Variants in PABPC4L observed in about 807,000 individuals in gnomAD.
The protein encoded by PABPC4L is poly(A) binding protein cytoplasmic 4 like, also known as polyadenylate-binding protein 4-like.
For missense variants in PABPC4L, 452 were observed against 451.4 expected (o/e 1.00, Z -0.01); for synonymous variants, 169 against 164.1 (o/e 1.03, Z -0.23).
the PABPC4L span, among the ~76,000 whole-genome samples, chr4:134,134,184 T>G: frequency 6.6e-6 from 1 of 152,074 alleles, no homozygotes; most frequent in Non-Finnish European, 1.5e-5. Flanking sequence ...CATCTGATTT[T>G]AAGTTCTAAC....
the PABPC4L span, among the ~76,000 whole-genome samples, chr4:134,135,551 C>T: frequency 6.6e-6 from 1 of 152,028 alleles, no homozygotes; most frequent in Non-Finnish European, 1.5e-5. Context: ...AAATAAAACA[C>T]AGCCGGTATG....
the PABPC4L span, among the ~76,000 whole-genome samples, chr4:134,093,148 G>A: frequency 6.6e-6 from 1 of 150,856 alleles, no homozygotes; most frequent in South Asian, 2.1e-4. Context: ...TAAAAAGCAG[G>A]ATTTTTATGT....
chr4:134,009,372 A>G, the PABPC4L span, among the ~76,000 whole-genome samples: 1 of 151,944 alleles, frequency 6.6e-6, no homozygotes, highest in Non-Finnish European at 1.5e-5. Flanking sequence ...ACTATAATGG[A>G]CTATACTTAA....
chr4:133,980,423 G>C, the PABPC4L span, among the ~76,000 whole-genome samples: 1 of 152,126 alleles, frequency 6.6e-6, no homozygotes, highest in African/African-American at 2.4e-5. Context: ...TTATAAGCTG[G>C]AGAAATATCA....
the PABPC4L span, among the ~76,000 whole-genome samples, chr4:134,062,055 A>G: frequency 6.6e-6 from 1 of 151,918 alleles, no homozygotes; most frequent in Non-Finnish European, 1.5e-5. Context: ...ATGGAATATC[A>G]TATGATTATG....
the PABPC4L span, among the ~76,000 whole-genome samples, chr4:133,981,485 T>C: frequency 6.6e-6 from 1 of 152,170 alleles, no homozygotes; most frequent in Non-Finnish European, 1.5e-5. Context: ...TTACTAATGT[T>C]ATTCACCATC....
At chr4:134,145,502 G>A in the PABPC4L span, among the ~76,000 whole-genome samples, 2 of 151,850 alleles carry the variant, frequency 1.3e-5, no homozygotes, top group Non-Finnish European at 1.5e-5. Context: ...TCCATATACA[G>A]TCTATTTTCT....
the PABPC4L span, among the ~76,000 whole-genome samples, chr4:134,135,682 A>C: frequency 1.3e-5 from 2 of 151,930 alleles, no homozygotes; most frequent in African/African-American, 2.4e-5. Flanking sequence ...AAATACAAAA[A>C]ATTAGCTGGG....
the PABPC4L span, among the ~76,000 whole-genome samples, chr4:134,103,808 T>C: frequency 6.6e-6 from 1 of 151,740 alleles, no homozygotes; most frequent in African/African-American, 2.4e-5. Context: ...TGAAAAGCAG[T>C]GTGTGAATGT....
chr4:133,992,592 T>C, the PABPC4L span, among the ~76,000 whole-genome samples: 3 of 152,060 alleles, frequency 2.0e-5, no homozygotes, highest in African/African-American at 4.8e-5. Context: ...CAAGCAGTTA[T>C]ATTATTAGAG....
At chr4:134,119,495 A>AT in the PABPC4L span, among the ~76,000 whole-genome samples, 2 of 151,708 alleles carry the variant, frequency 1.3e-5, no homozygotes, top group Admixed American at 6.6e-5. Context: ...ATAATGTTTT[A>AT]TTTTTTATAA....
the PABPC4L span, among the ~76,000 whole-genome samples, chr4:134,007,919 A>G: frequency 4.0e-5 from 6 of 151,794 alleles, no homozygotes; most frequent in African/African-American, 1.4e-4. Context: ...ACTATGTCAT[A>G]TTTTAAAAGA....
the PABPC4L span, among the ~76,000 whole-genome samples, chr4:134,004,387 G>T: frequency 9.9e-5 from 15 of 151,816 alleles, no homozygotes; most frequent in Non-Finnish European, 1.9e-4. Context: ...GGTATATGAA[G>T]AGGTGCTCAA....
the PABPC4L span, among the ~76,000 whole-genome samples, chr4:134,052,856 A>C: frequency 6.6e-6 from 1 of 152,140 alleles, no homozygotes; most frequent in African/African-American, 2.4e-5. Flanking sequence ...GTGTGTGTTT[A>C]AGTTTTAGTT....
At chr4:134,151,700 A>G in the PABPC4L span, among the ~76,000 whole-genome samples, 2 of 151,966 alleles carry the variant, frequency 1.3e-5, no homozygotes, top group East Asian at 3.9e-4. Context: ...AGAATTAACT[A>G]TTAGTGGGGA....
the PABPC4L span, among the ~76,000 whole-genome samples, chr4:133,951,781 T>C: frequency 2.0e-4 from 30 of 152,078 alleles, no homozygotes; most frequent in African/African-American, 7.0e-4. Context: ...GTAACCCCAT[T>C]AAGTTACTAG....
the PABPC4L span, among the ~76,000 whole-genome samples, chr4:133,970,349 T>C: frequency 1.3e-5 from 2 of 152,010 alleles, no homozygotes; most frequent in Non-Finnish European, 2.9e-5. Flanking sequence ...CTACTCCTCT[T>C]TCCTCATTTT....
the PABPC4L span, among the ~76,000 whole-genome samples, chr4:134,181,101 C>T: frequency 0.022 from 3,417 of 151,996 alleles, 132 homozygotes; most frequent in African/African-American, 0.078. Context: ...TCCTCATGAA[C>T]ATAAGTGCAA....
At chr4:133,969,463 C>T in the PABPC4L span, among the ~76,000 whole-genome samples, 9 of 152,308 alleles carry the variant, frequency 5.9e-5, no homozygotes, top group Middle Eastern at 6.8e-3. Context: ...CTCCCAGTCA[C>T]TAACTTTTAT....
Sources: allele counts gnomAD v4.1 joint callset (sites outside exome capture counted in the v4.1 genomes callset), GRCh38; gene constraint gnomAD v4.1.1; transcripts MANE v1.5; gene names NCBI Gene and HGNC (gene_info 2026-07-23, HGNC 2026-07-21).